Variants in METTL25 observed in about 807,000 individuals in gnomAD.
METTL25 encodes methyltransferase like 25.
METTL25 carries 64 observed loss-of-function variants against 71.6 expected under a neutral mutation model. That is an observed-to-expected ratio of 0.89 (90% confidence interval 0.73 to 1.10). METTL25 has a LOEUF of 1.10. METTL25 is among the 50% of genes least tolerant of loss of function. METTL25 has a pLI of 0.00. For missense variants in METTL25, 807 were observed against 707.0 expected, an observed-to-expected ratio of 1.14 and a Z score of -1.60; for synonymous variants, 287 against 250.3, an observed-to-expected ratio of 1.15 and a Z score of -1.38.
At chr12:82,363,542 A>T (rs551052150) in intron 1 of METTL25, among the ~76,000 whole-genome samples, 1 of 152,236 alleles carries the variant, frequency 6.6e-6, no homozygotes, top group East Asian at 1.9e-4. Context: ...GGTAAATAAA[A>T]AGCAACTAAG....
chr12:82,400,355 AAAG>A (rs1886499616), intron 4 of METTL25, among the ~76,000 whole-genome samples: 4 of 144,608 alleles, frequency 2.8e-5, no homozygotes, highest in Non-Finnish European at 4.6e-5. Context: ...AAAAAGAAAA[AAAG>A]AAATGTATAA....
chr12:82,369,321 A>G (rs1480402001), intron 1 of METTL25: 2 of 304,776 alleles, frequency 6.6e-6, no homozygotes, highest in Middle Eastern at 1.1e-3. Context: ...TGTGTAGGAT[A>G]TAGTAAGTGA....
chr12:82,468,151 T>A (rs1467970992), intron 9 of METTL25, among the ~76,000 whole-genome samples: 1 of 152,092 alleles, frequency 6.6e-6, no homozygotes, highest in African/African-American at 2.4e-5. Context: ...CTAAATTTTT[T>A]AAAATAACCC....
chr12:82,380,495 A>G (rs956030411), intron 1 of METTL25, among the ~76,000 whole-genome samples: 1 of 152,122 alleles, frequency 6.6e-6, no homozygotes, highest in African/African-American at 2.4e-5. Context: ...GTACATGTAT[A>G]TGTGTATATA....
At chr12:82,380,841 A>G (rs546213195) in intron 1 of METTL25, among the ~76,000 whole-genome samples, 3 of 152,316 alleles carry the variant, frequency 2.0e-5, no homozygotes, top group South Asian at 2.1e-4. Context: ...TGGGATTGCA[A>G]TTTTTAACAA....
At chr12:82,395,233 A>T (rs1259575185) in intron 3 of METTL25, among the ~76,000 whole-genome samples, 1 of 152,102 alleles carries the variant, frequency 6.6e-6, no homozygotes, top group Non-Finnish European at 1.5e-5. Flanking sequence ...GAGCAGGAGC[A>T]TCCAGAGTTG....
intron 5 of METTL25, among the ~76,000 whole-genome samples, chr12:82,414,484 G>A (rs1012186572): frequency 1.3e-5 from 2 of 151,912 alleles, no homozygotes; most frequent in African/African-American, 2.4e-5. Flanking sequence ...TATTTTTTGC[G>A]ACTAATAGAA....
At chr12:82,361,280 G>C (rs544867287) in intron 1 of METTL25, among the ~76,000 whole-genome samples, 1 of 152,174 alleles carries the variant, frequency 6.6e-6, no homozygotes, top group Admixed American at 6.5e-5. Context: ...GCTGATTGGT[G>C]TATTTACAAT....
At chr12:82,436,114 TG>T (rs1889897781) in intron 7 of METTL25, among the ~76,000 whole-genome samples, 2 of 151,528 alleles carry the variant, frequency 1.3e-5, no homozygotes, top group African/African-American at 4.8e-5. Flanking sequence ...ATTCATGTGG[TG>T]TTTTTTTAAT....
chr12:82,384,602 A>C (rs10778906), intron 1 of METTL25, among the ~76,000 whole-genome samples: 140,433 of 151,516 alleles, frequency 0.93, 65,224 homozygotes, highest in East Asian at 1. Context: ...TGAATTAGAA[A>C]ACTACCCTTT....
intron 5 of METTL25, among the ~76,000 whole-genome samples, chr12:82,425,184 A>C (rs1282735741): frequency 6.6e-6 from 1 of 152,076 alleles, no homozygotes; most frequent in African/African-American, 2.4e-5. Flanking sequence ...ATTTTGGGCA[A>C]CTTGGGCAAT....
chr12:82,444,791 C>G (rs1350577464), intron 8 of METTL25, among the ~76,000 whole-genome samples: 5 of 151,840 alleles, frequency 3.3e-5, no homozygotes, highest in Non-Finnish European at 7.4e-5. Context: ...ATCAAAAAAA[C>G]AAGACCCAGC....
intron 8 of METTL25, among the ~76,000 whole-genome samples, chr12:82,453,852 G>C (rs1436015995): frequency 6.6e-6 from 1 of 152,098 alleles, no homozygotes; most frequent in Non-Finnish European, 1.5e-5. Flanking sequence ...AGTTCCTGCT[G>C]TGTGAGGTAC....
At chr12:82,384,389 CT>C in intron 1 of METTL25, among the ~76,000 whole-genome samples, 1 of 151,192 alleles carries the variant, frequency 6.6e-6, no homozygotes, top group African/African-American at 2.4e-5. Flanking sequence ...CTCTCTCTCT[CT>C]CTCTCTGTCT....
intron 1 of METTL25, among the ~76,000 whole-genome samples, chr12:82,370,916 C>G (rs1173454248): frequency 2.0e-5 from 3 of 152,214 alleles, no homozygotes; most frequent in African/African-American, 7.2e-5. Context: ...AAGACTGCCA[C>G]CTCCTTGGGT....
At chr12:82,367,657 A>G (rs2895922) in intron 1 of METTL25, among the ~76,000 whole-genome samples, 151,821 of 152,330 alleles carry the variant, frequency 1, 75,659 homozygotes, top group Middle Eastern at 1. Context: ...TATTTCATTC[A>G]TGTTGCCACT....
chr12:82,438,619 A>G (rs1157646323), intron 7 of METTL25, 99 bp from the exon 8 acceptor site: 3 of 639,858 alleles, frequency 4.7e-6, no homozygotes, highest in Non-Finnish European at 7.1e-6. Context: ...TTTAGCAACA[A>G]AGGTTTCTGA....
At chr12:82,387,655 G>GATTCACC (rs1885166235) in intron 2 of METTL25, among the ~76,000 whole-genome samples, 1 of 151,562 alleles carries the variant, frequency 6.6e-6, no homozygotes, top group African/African-American at 2.4e-5. Flanking sequence ...TTTTCACCTA[G>GATTCACC]ATTCACCATG....
At chr12:82,467,279 C>T (rs1258100693) in intron 9 of METTL25, among the ~76,000 whole-genome samples, 2 of 151,930 alleles carry the variant, frequency 1.3e-5, no homozygotes, top group South Asian at 2.1e-4. Flanking sequence ...TTTTGTCTTG[C>T]TTACCTCTTA....
Sources: gnomAD v4.1 joint callset for allele counts (sites outside exome capture counted in the v4.1 genomes callset) on GRCh38, gnomAD v4.1.1 for gene constraint, MANE v1.5 for transcripts, NCBI Gene and HGNC (gene_info 2026-07-23, HGNC 2026-07-21) for gene names.